Variants in NRG1 observed in about 807,000 individuals in gnomAD.
NRG1 encodes pro-neuregulin-1, membrane-bound isoform.
Under a neutral mutation model 63.8 loss-of-function variants are expected in NRG1, and 18 were observed. That is an observed-to-expected ratio of 0.28 (90% CI 0.19 to 0.42). NRG1 has a LOEUF of 0.42. Among genes scored for constraint, NRG1 ranks in the 10% least tolerant of loss-of-function variants. The pLI is 1.00. For synonymous variants in NRG1, 302 were observed against 301.3 expected, an observed-to-expected ratio of 1.00 and a Z score of -0.02; for missense variants, 762 against 814.7, an observed-to-expected ratio of 0.94 and a Z score of 0.79.
chr8:31,859,682 T>A (rs1242382234), intron 1 of NRG1, among the ~76,000 whole-genome samples: 1 of 152,232 alleles, frequency 6.6e-6, no homozygotes, highest in Non-Finnish European at 1.5e-5. Context: ...TGTTTGATAA[T>A]CTATTGTATG....
chr8:32,672,637 G>A (rs2128897260), intron 5 of NRG1, among the ~76,000 whole-genome samples: 1 of 152,238 alleles, frequency 6.6e-6, no homozygotes, highest in African/African-American at 2.4e-5. Context: ...GTACACAGAT[G>A]ATGACATGGT....
At chr8:32,452,824 T>C (rs934933425) in intron 1 of NRG1, among the ~76,000 whole-genome samples, 1 of 152,252 alleles carries the variant, frequency 6.6e-6, no homozygotes, top group Non-Finnish European at 1.5e-5. Context: ...GTGTTTTTTC[T>C]CTGATATAAT....
At chr8:32,035,547 G>T (rs1818902179) in intron 1 of NRG1, among the ~76,000 whole-genome samples, 1 of 152,152 alleles carries the variant, frequency 6.6e-6, no homozygotes, top group African/African-American at 2.4e-5. Flanking sequence ...GGGTGTTAAA[G>T]TATCCCCACA....
intron 1 of NRG1, among the ~76,000 whole-genome samples, chr8:32,317,587 G>A (rs1800914419): frequency 6.6e-6 from 1 of 152,150 alleles, no homozygotes. Context: ...CTATTATCCA[G>A]TTGCTCCTAA....
intron 1 of NRG1, among the ~76,000 whole-genome samples, chr8:31,656,011 G>T (rs1805403856): frequency 6.6e-6 from 1 of 152,228 alleles, no homozygotes; most frequent in Non-Finnish European, 1.5e-5. Context: ...TACCAAGGAA[G>T]CATGTGCTTG....
At chr8:32,751,005 T>C (rs1828619588) in intron 7 of NRG1, 1 of 152,196 alleles carries the variant, frequency 6.6e-6, no homozygotes, top group Admixed American at 6.5e-5. Flanking sequence ...ACAGCATATT[T>C]CTCATTTTTA....
intron 1 of NRG1, among the ~76,000 whole-genome samples, chr8:31,935,040 T>C (rs1835187208): frequency 6.6e-6 from 1 of 152,110 alleles, no homozygotes; most frequent in South Asian, 2.1e-4. Context: ...AGCCTCGAAC[T>C]CCTGGGCTCA....
intron 1 of NRG1, among the ~76,000 whole-genome samples, chr8:32,595,496 G>A (rs904210740): frequency 6.6e-6 from 1 of 151,942 alleles, no homozygotes; most frequent in African/African-American, 2.4e-5. Flanking sequence ...GCCTACATAC[G>A]CTCCTTTAAC....
At chr8:31,652,207 C>T (rs1310261723) in intron 1 of NRG1, among the ~76,000 whole-genome samples, 1 of 152,182 alleles carries the variant, frequency 6.6e-6, no homozygotes, top group South Asian at 2.1e-4. Flanking sequence ...CTGCTCCATA[C>T]CAGATTAGTG....
At chr8:31,845,039 G>A (rs1037374582) in intron 1 of NRG1, among the ~76,000 whole-genome samples, 4 of 151,970 alleles carry the variant, frequency 2.6e-5, no homozygotes, top group African/African-American at 7.2e-5. Flanking sequence ...CCCGGGAGGC[G>A]GAGGTTGCAG....
In NRG1 at chr8:31,782,248, C is replaced by T. The variant is rs543833763; in HGVS notation, c.37+142817C>T. ...AGGATGTTTGCTGCCTTACCTTACT[C>T]TGCTGGAAAGCAATTCCTTCCAATG... On this transcript the variant is annotated intron_variant, in intron 1 of 10. Coordinates refer to the NRG1 transcript ENST00000519301. 3.1e-4 allele frequency among the ~76,000 whole-genome samples: 47 copies of T among 152,212 alleles called. 1 individual carries two copies. In the South Asian group the frequency reaches 6.0e-3, roughly 19 times the overall value.
chr8:31,707,051 A>C (rs1444919126), intron 1 of NRG1, among the ~76,000 whole-genome samples: 1 of 151,436 alleles, frequency 6.6e-6, no homozygotes, highest in Non-Finnish European at 1.5e-5. Context: ...AATTGGTTGA[A>C]TTTTTCTAGT....
intron 5 of NRG1, among the ~76,000 whole-genome samples, chr8:32,662,891 G>A (rs1803216599): frequency 6.6e-6 from 1 of 152,118 alleles, no homozygotes; most frequent in South Asian, 2.1e-4. Flanking sequence ...TTAGAACTGT[G>A]GACATTACCT....
chr8:32,274,800 C>T lies in NRG1; in HGVS notation c.38-321028C>T, dbSNP rs1851917392. Among the ~76,000 whole-genome samples, 3 of 152,060 alleles carry T rather than the reference C, an allele frequency of 2.0e-5. No homozygotes were observed. The South Asian group carries it at 6.2e-4, about 32-fold the overall frequency. Reference sequence around the variant, plus strand: ...TATTTTAATTTTTTTCCAGGCAAACCCTCCAACAAATGTATAAACAGGTTG... The same window carrying T: ...TATTTTAATTTTTTTCCAGGCAAACTCTCCAACAAATGTATAAACAGGTTG... On this transcript the variant is annotated intron_variant, in intron 1 of 10. Coordinates refer to the NRG1 transcript ENST00000519301.
chr8:32,635,808 A>C (rs1588880242), intron 5 of NRG1, among the ~76,000 whole-genome samples: 1 of 152,154 alleles, frequency 6.6e-6, no homozygotes, highest in South Asian at 2.1e-4. Flanking sequence ...TTAGGTTGTG[A>C]ATGGGTAACA....
rs534393815 is a variant in NRG1, at chr8:32,110,712, A to G, written c.37+471281A>G. 2.2e-4 allele frequency among the ~76,000 whole-genome samples: 33 copies of G among 152,284 alleles called. 1 individual carries two copies. The South Asian group carries it at 5.6e-3, about 26-fold the overall frequency. On this transcript the variant is annotated intron_variant, in intron 1 of 10. Transcript: ENST00000519301. ...TTGACAGATCCTTTTGAACTGCCCCATCTGGGAACTGAACCAAAGACTGGA... is the reference window on the plus strand; with the variant it reads ...TTGACAGATCCTTTTGAACTGCCCCGTCTGGGAACTGAACCAAAGACTGGA...
At chr8:32,182,395 C>A (rs972351151) in intron 1 of NRG1, among the ~76,000 whole-genome samples, 1 of 152,094 alleles carries the variant, frequency 6.6e-6, no homozygotes, top group African/African-American at 2.4e-5. Flanking sequence ...TACAGGCATG[C>A]GCCACCATAC....
chr8:32,497,689 G>A (rs981971699), intron 1 of NRG1, among the ~76,000 whole-genome samples: 1 of 152,156 alleles, frequency 6.6e-6, no homozygotes, highest in African/African-American at 2.4e-5. Context: ...GACTAGTCTA[G>A]GGCTGGAGGA....
At chr8:32,392,876 G>A (rs946925174) in intron 1 of NRG1, among the ~76,000 whole-genome samples, 8 of 137,630 alleles carry the variant, frequency 5.8e-5, no homozygotes, top group African/African-American at 1.4e-4. Flanking sequence ...AAGTCCAGAA[G>A]GATGCTCAAG....
Sources: allele counts gnomAD v4.1 joint callset (sites outside exome capture counted in the v4.1 genomes callset), GRCh38; gene constraint gnomAD v4.1.1; transcripts MANE v1.5; gene names NCBI Gene and HGNC (gene_info 2026-07-23, HGNC 2026-07-21).